KLHL20: variants seen among roughly 807,000 people sequenced by gnomAD.
The protein encoded by KLHL20 is kelch-like protein 20.
In KLHL20, 29 loss-of-function variants were observed where a neutral mutation model predicts 69.5. The observed-to-expected ratio is 0.42, with a 90% CI of 0.31 to 0.57. KLHL20 has a LOEUF of 0.57. Among genes scored for constraint, KLHL20 ranks in the 20% least tolerant of loss-of-function variants. The pLI is 0.18. For synonymous variants in KLHL20, 253 were observed against 265.2 expected (o/e 0.95, Z 0.45); for missense variants, 419 against 776.0 (o/e 0.54, Z 5.47).
intron 11 of KLHL20, among the ~76,000 whole-genome samples, chr1:173,783,965 GC>G (rs1649045887): frequency 6.6e-6 from 1 of 152,026 alleles, no homozygotes; most frequent in African/African-American, 2.4e-5. Flanking sequence ...TGTAATCCCA[GC>G]TACTAGGGAG....
At chr1:173,725,556 A>G (rs995631728) in intron 2 of KLHL20, among the ~76,000 whole-genome samples, 8 of 152,218 alleles carry the variant, frequency 5.3e-5, no homozygotes, top group Non-Finnish European at 1.0e-4. Flanking sequence ...AATTTGAGCA[A>G]TTTACAGATA....
chr1:173,728,033 T>G (rs1190602524), intron 2 of KLHL20, among the ~76,000 whole-genome samples: 1 of 152,022 alleles, frequency 6.6e-6, no homozygotes, highest in Admixed American at 6.6e-5. Flanking sequence ...ACACATAGGT[T>G]CAAAATAAAG....
intron 7 of KLHL20, among the ~76,000 whole-genome samples, chr1:173,765,450 C>A (rs1443998749): frequency 6.6e-6 from 1 of 151,906 alleles, no homozygotes; most frequent in African/African-American, 2.4e-5. Context: ...TTGCAGTGAG[C>A]CAAGATCGTG....
intron 7 of KLHL20, among the ~76,000 whole-genome samples, chr1:173,763,273 G>A (rs758474833): frequency 6.6e-6 from 1 of 152,140 alleles, no homozygotes; most frequent in Non-Finnish European, 1.5e-5. Flanking sequence ...CATGCTCATG[G>A]ATGGGTAGAA....
At chr1:173,781,875 G>C (rs72711405) in intron 10 of KLHL20, 290 of 344,568 alleles carry the variant, frequency 8.4e-4, no homozygotes, top group Non-Finnish European at 1.3e-3. Flanking sequence ...CACTTCTAGT[G>C]AACAGTTTTT....
At chr1:173,772,184 T>A (rs1466406159) in intron 8 of KLHL20, among the ~76,000 whole-genome samples, 1 of 152,198 alleles carries the variant, frequency 6.6e-6, no homozygotes, top group Admixed American at 6.5e-5. Flanking sequence ...TATTTCCCAC[T>A]TAAAGAAACC....
At chr1:173,770,773 G>A (rs1017871398) in intron 8 of KLHL20, among the ~76,000 whole-genome samples, 18 of 150,786 alleles carry the variant, frequency 1.2e-4, no homozygotes, top group African/African-American at 4.1e-4. Flanking sequence ...CTATTATACA[G>A]GTGATAGCAG....
chr1:173,775,760 C>T lies in KLHL20; in HGVS notation c.1556C>T (p.Thr519Ile), dbSNP rs750977835. The change falls in exon 10 of 12, where the codon ACA (threonine) becomes ATA (isoleucine). Residue 519 changes from threonine (T) to isoleucine (I), a missense_variant. Thr to Ile is a moderately conservative substitution (Grantham distance 89). Transcript: ENST00000209884. ...GCTGTAGGAGGTAGAGATGACACTA[C>T]AGAGCTGAGCAGTGCTGAGAGATAC... ...IYAVGGRDDT[T>I]ELSSAERYNP... 6.2e-7 allele frequency: 1 copy of T among 1,614,176 alleles called. No individual in the cohort carries two copies. Among genetic ancestry groups the T allele is most frequent in the Non-Finnish European group, 8.5e-7 (1 of 1,180,026 alleles).
chr1:173,724,529 T>C (rs886294223), intron 2 of KLHL20, among the ~76,000 whole-genome samples: 1 of 152,268 alleles, frequency 6.6e-6, no homozygotes, highest in African/African-American at 2.4e-5. Context: ...TGCATGTTTA[T>C]ATAATGTGAT....
At chr1:173,771,608 A>G (rs1648096441) in intron 8 of KLHL20, among the ~76,000 whole-genome samples, 1 of 152,118 alleles carries the variant, frequency 6.6e-6, no homozygotes, top group Non-Finnish European at 1.5e-5. Flanking sequence ...GTATATATGT[A>G]TATTTTTTAA....
chr1:173,733,758 C>T lies in KLHL20; in HGVS notation c.69C>T (p.Ser23=), dbSNP rs143403511. 273 of 1,614,060 alleles carry T rather than the reference C, an allele frequency of 1.7e-4. No homozygotes were observed. The highest frequency in any genetic ancestry group is 1.5e-3 in the Middle Eastern group (9 of 6,060). Residue 23 remains serine (S), a synonymous_variant, in exon 3 of 12, where the codon AGC becomes AGT. Transcript: ENST00000209884. ...RPGETGMDVT[S]RCTLGDPNKL... is the part of the protein sequence containing the mutation. The stretch of plus-strand genomic sequence containing the variant: ...GAGAGACTGGAATGGATGTAACAAG[C>T]CGCTGCACCCTTGGAGACCCCAACA...
intron 9 of KLHL20, 150 bp from the exon 10 acceptor site, chr1:173,775,484 G>T: frequency 1.5e-6 from 1 of 670,016 alleles, no homozygotes. Context: ...ATGTAGTATT[G>T]TCCAGAGGTA....
intron 3 of KLHL20, among the ~76,000 whole-genome samples, chr1:173,745,845 G>T (rs1673034604): frequency 6.6e-6 from 1 of 152,068 alleles, no homozygotes; most frequent in African/African-American, 2.4e-5. Flanking sequence ...TAGGATTGAG[G>T]TATAGATATT....
intron 4 of KLHL20, 142 bp downstream of exon 4, chr1:173,752,064 T>G (rs1673340839): frequency 1.4e-6 from 1 of 696,362 alleles, no homozygotes; most frequent in African/African-American, 1.8e-5. Flanking sequence ...GGTGAAACCC[T>G]GTCTCTACTA....
chr1:173,773,286 CT>C (rs1039903845), intron 8 of KLHL20, among the ~76,000 whole-genome samples: 2 of 146,868 alleles, frequency 1.4e-5, no homozygotes, highest in Non-Finnish European at 3.0e-5. Flanking sequence ...TTTTTTTTAT[CT>C]TTTTTTTAAG....
intron 4 of KLHL20, 30 bp from the exon 5 acceptor site, chr1:173,753,183 A>C: frequency 6.4e-7 from 1 of 1,556,030 alleles, no homozygotes; most frequent in Non-Finnish European, 8.9e-7. Context: ...AAATTAATTA[A>C]TTAAAATAAT....
At chr1:173,760,018 T>C (rs1673728234) in intron 7 of KLHL20, among the ~76,000 whole-genome samples, 1 of 151,994 alleles carries the variant, frequency 6.6e-6, no homozygotes, top group Non-Finnish European at 1.5e-5. Context: ...ATAGATAGCT[T>C]AATGAAAAAA....
Position 173,728,167 on chromosome 1 carries a change from G to T in KLHL20, c.24-5546G>T, listed in dbSNP as rs1037908461. ...GACAAGGCCATTGCATAATGGTAAA[G>T]GGATCAATTCAACAAGAAGAGCTAA... On this transcript the variant is annotated intron_variant, in intron 2 of 11. Coordinates refer to ENST00000209884, the MANE Select transcript of KLHL20 (RefSeq NM_014458.4). Among the ~76,000 whole-genome samples the T allele has an allele frequency of 8.5e-4, 129 of 152,316 alleles. 1 individual carries two copies. Among genetic ancestry groups the T allele is most frequent in the African/African-American group, 2.9e-3 (122 of 41,574 alleles).
intron 8 of KLHL20, among the ~76,000 whole-genome samples, chr1:173,769,386 AG>A (rs1355056513): frequency 6.6e-6 from 1 of 152,174 alleles, no homozygotes; most frequent in Non-Finnish European, 1.5e-5. Flanking sequence ...CTTCCAGGTC[AG>A]GACCCTACAC....
Sources: gnomAD v4.1 joint callset for allele counts (sites outside exome capture counted in the v4.1 genomes callset) on GRCh38, gnomAD v4.1.1 for gene constraint, MANE v1.5 for transcripts, NCBI Gene and HGNC (gene_info 2026-07-23, HGNC 2026-07-21) for gene names.